Variants in TEKT3 observed in about 807,000 individuals in gnomAD.
TEKT3 encodes the protein tektin 3, also known as tektin-3.
In TEKT3, 49 loss-of-function variants were observed where a neutral mutation model predicts 49.8. The ratio of observed to expected loss-of-function variants is 0.98; its 90% CI spans 0.78 to 1.25. TEKT3 has a LOEUF of 1.25. Among genes scored for constraint, TEKT3 ranks in the 50% most tolerant of loss-of-function variants. The probability of loss-of-function intolerance (pLI) is 0.00; values close to 1 mark genes in which losing one functional copy is unlikely to be tolerated. For synonymous variants in TEKT3, 225 were observed against 237.2 expected, an observed-to-expected ratio of 0.95 and a Z score of 0.47; for missense variants, 595 against 629.5, an observed-to-expected ratio of 0.95 and a Z score of 0.59.
chr17:15,338,043 T>C (rs1912061262), intron 2 of TEKT3, among the ~76,000 whole-genome samples: 1 of 152,102 alleles, frequency 6.6e-6, no homozygotes, highest in Non-Finnish European at 1.5e-5. Flanking sequence ...ATGTAATCAT[T>C]TACCTAACTT....
rs141886041 is a variant in TEKT3, at chr17:15,319,991, A to G, written c.664-844T>C. ...ATGACATTAAAAAGTACTGTGATGA[A>G]TGACCTTGATCAATATTTAGACACC... On this transcript the variant is annotated intron_variant, in intron 4 of 8. Transcript: ENST00000395930. Among the ~76,000 whole-genome samples, 218 of 152,344 alleles carry G rather than the reference A, an allele frequency of 1.4e-3. 1 individual carries two copies. The highest frequency in any genetic ancestry group is 4.8e-3 in the African/African-American group (199 of 41,582).
At chr17:15,316,076 A>C (rs1291667282) in intron 5 of TEKT3, among the ~76,000 whole-genome samples, 3 of 152,220 alleles carry the variant, frequency 2.0e-5, no homozygotes, top group Non-Finnish European at 2.9e-5. Flanking sequence ...GTGAATTCTA[A>C]GACAGTATAC....
rs763144351 is a variant in TEKT3 at position 15,314,069 on chromosome 17, G to T, written c.878+18C>A. ...TAAATGACATCGAAATCACAGCCGT[G>T]GCGTGTGCCTGACTTACGTTGCATC... On this transcript the variant is annotated intron_variant, in intron 6 of 8. Transcript: ENST00000395930. 1 of 1,614,102 alleles carries T rather than the reference G, an allele frequency of 6.2e-7. No individual in the cohort carries two copies. Among genetic ancestry groups the T allele is most frequent in the East Asian group, 2.2e-5 (1 of 44,862 alleles).
rs765829652 is a variant in TEKT3 at position 15,331,242 on chromosome 17, T to C, written c.344A>G (p.His115Arg). 1.2e-5 allele frequency: 20 copies of C among 1,614,246 alleles called. No homozygotes were observed. The highest frequency in any genetic ancestry group is 1.7e-5 in the Admixed American group (1 of 60,030). Reference sequence around the variant, plus strand: ...ATCCACTCTTAGTTTCTCCGAATTATGTCGGGAAGTGTTGGACTCTTGATA... The same window carrying C: ...ATCCACTCTTAGTTTCTCCGAATTACGTCGGGAAGTGTTGGACTCTTGATA... The part of the protein sequence containing the change: ...TNYQESNTSR[H>R]NSEKLRVDTS... Residue 115 changes from histidine (H) to arginine (R), a missense_variant, in exon 3 of 9, where the codon CAT becomes CGT. Transcript: ENST00000395930.
intron 3 of TEKT3, among the ~76,000 whole-genome samples, chr17:15,329,365 G>GA (rs1257451829): frequency 5.3e-5 from 8 of 152,086 alleles, no homozygotes; most frequent in African/African-American, 1.9e-4. Flanking sequence ...AAAAACTGCA[G>GA]AAAAAATTCA....
chr17:15,333,803 A>G (rs966277702), intron 2 of TEKT3, among the ~76,000 whole-genome samples: 14 of 151,420 alleles, frequency 9.2e-5, no homozygotes, highest in African/African-American at 3.2e-4. Context: ...TCTGTCGCCC[A>G]GGCTCCAGTG....
chr17:15,305,862 A>G (rs1242731555), intron 8 of TEKT3, among the ~76,000 whole-genome samples: 2 of 152,060 alleles, frequency 1.3e-5, no homozygotes, highest in Non-Finnish European at 2.9e-5. Flanking sequence ...CATGGACACA[A>G]CTAGGGAATA....
intron 1 of TEKT3, among the ~76,000 whole-genome samples, chr17:15,340,902 C>T (rs569639996): frequency 6.6e-6 from 1 of 152,254 alleles, no homozygotes; most frequent in Non-Finnish European, 1.5e-5. Context: ...ATAATTTTAC[C>T]CATTTCCAGG....
chr17:15,305,235 G>A (rs1910494479), intron 8 of TEKT3, among the ~76,000 whole-genome samples: 1 of 152,182 alleles, frequency 6.6e-6, no homozygotes. Flanking sequence ...CTTGTAGGTG[G>A]CCTAAGAAGA....
intron 2 of TEKT3, among the ~76,000 whole-genome samples, chr17:15,334,693 ACTC>A (rs1162662341): frequency 1.3e-5 from 2 of 152,052 alleles, no homozygotes; most frequent in African/African-American, 2.4e-5. Context: ...CAGAAGTAGA[ACTC>A]CTCATGTACG....
At chr17:15,310,444 G>A (rs146803631) in intron 7 of TEKT3, among the ~76,000 whole-genome samples, 3 of 152,056 alleles carry the variant, frequency 2.0e-5, no homozygotes, top group Non-Finnish European at 4.4e-5. Flanking sequence ...AGGTCTTTAG[G>A]GTGGCCCTAA....
Position 15,303,925 on chromosome 17 carries a change from C to G in TEKT3, c.*11G>C. 1 of 1,613,384 alleles carries G rather than the reference C, an allele frequency of 6.2e-7. No homozygotes were observed. Among genetic ancestry groups the G allele is most frequent in the African/African-American group, 1.3e-5 (1 of 75,004 alleles). On this transcript the variant is annotated 3_prime_UTR_variant, in exon 9 of 9. Transcript: ENST00000395930. ...AACTTAGGGGTATCAAAACCACACC[C>G]GGTGGGGTCCCTAGCAGAAGCCGAC... is the stretch of plus-strand genomic sequence containing the variant.
intron 3 of TEKT3, among the ~76,000 whole-genome samples, chr17:15,328,918 A>G (rs568244594): frequency 6.6e-6 from 1 of 152,352 alleles, no homozygotes; most frequent in East Asian, 1.9e-4. Context: ...AATGGTATGT[A>G]TACTATAATC....
chr17:15,320,627 C>T (rs1911213013), intron 4 of TEKT3, among the ~76,000 whole-genome samples: 1 of 152,088 alleles, frequency 6.6e-6, no homozygotes, highest in Non-Finnish European at 1.5e-5. Flanking sequence ...AGAGTGATCA[C>T]CCTACTGTCT....
At chr17:15,308,861 C>T (rs369493378) in intron 7 of TEKT3, 43 bp from the exon 8 acceptor site, 14 of 1,596,042 alleles carry the variant, frequency 8.8e-6, no homozygotes, top group Non-Finnish European at 1.2e-5. Flanking sequence ...TGGTGTGGTC[C>T]CTTCAACAAC....
intron 7 of TEKT3, among the ~76,000 whole-genome samples, chr17:15,311,803 T>C (rs964911340): frequency 2.0e-5 from 3 of 152,252 alleles, no homozygotes; most frequent in Admixed American, 6.5e-5. Flanking sequence ...AAAACTCTTA[T>C]GCTTTCAGCA....
At chr17:15,327,896 T>C (rs1444371300) in intron 4 of TEKT3, 96 bp downstream of exon 4, 2 of 1,046,056 alleles carry the variant, frequency 1.9e-6, no homozygotes, top group African/African-American at 3.1e-5. Context: ...GCTTTACTTA[T>C]AAGTCATTTT....
At position 15,331,539 on chromosome 17, in the gene TEKT3, C is replaced by CTAGGGT; in HGVS notation, c.41_46dup (p.Pro15_Arg16insAsnPro). 1.2e-6 allele frequency: 2 copies of CTAGGGT among 1,614,006 alleles called. No individual in the cohort carries two copies. The highest frequency in any genetic ancestry group is 2.2e-5 in the South Asian group (2 of 91,058). The stretch of plus-strand genomic sequence containing the variant: ...TGGTAGAAAGTTGGTTGGTGTTGGT[C>CTAGGGT]TAGGGTGGGCGTAAGTTGTCGTTAA... On this transcript the variant is annotated inframe_insertion, in exon 3 of 9. Coordinates refer to ENST00000395930, the MANE Select transcript of TEKT3 (RefSeq NM_031898.3).
chr17:15,325,871 C>T (rs1305891706), intron 4 of TEKT3, among the ~76,000 whole-genome samples: 1 of 152,164 alleles, frequency 6.6e-6, no homozygotes, highest in Non-Finnish European at 1.5e-5. Flanking sequence ...TGAGATTCAT[C>T]AAAGCCTGGG....
Sources: gnomAD v4.1 joint callset for allele counts (sites outside exome capture counted in the v4.1 genomes callset) on GRCh38, gnomAD v4.1.1 for gene constraint, MANE v1.5 for transcripts, NCBI Gene and HGNC (gene_info 2026-07-23, HGNC 2026-07-21) for gene names.